Variants in CNTN1 observed in about 807,000 individuals in gnomAD.
The protein encoded by CNTN1 is contactin-1.
CNTN1 carries 38 observed loss-of-function variants against 126.4 expected under a neutral mutation model. That is an observed-to-expected ratio of 0.30 (90% CI 0.23 to 0.39). The LOEUF (loss-of-function observed/expected upper bound fraction) is 0.39. Among genes scored for constraint, CNTN1 ranks in the 10% least tolerant of loss-of-function variants. CNTN1 has a pLI of 1.00. For synonymous variants in CNTN1, 413 were observed against 422.6 expected (o/e 0.98, Z 0.28); for missense variants, 1,009 against 1,248.4 (o/e 0.81, Z 2.89).
chr12:41,065,267 G>A (rs1950024494), intron 23 of CNTN1, among the ~76,000 whole-genome samples: 1 of 152,156 alleles, frequency 6.6e-6, no homozygotes, highest in Non-Finnish European at 1.5e-5. Context: ...GTGTTAGCCA[G>A]GATGGTCTCG....
intron 1 of CNTN1, among the ~76,000 whole-genome samples, chr12:40,890,525 C>A (rs187508528): frequency 2.2e-4 from 34 of 152,144 alleles, no homozygotes; most frequent in Middle Eastern, 6.8e-3. Flanking sequence ...TCCTTGCTAA[C>A]CCCTAGGAAA....
At chr12:40,767,533 C>T (rs1389296640) in intron 1 of CNTN1, among the ~76,000 whole-genome samples, 3 of 152,070 alleles carry the variant, frequency 2.0e-5, no homozygotes, top group African/African-American at 2.4e-5. Context: ...TGATCTCGAT[C>T]TCCTGACCTC....
In CNTN1 at chr12:40,980,936, G is replaced by A. The variant is rs1947803739; in HGVS notation, c.1832G>A (p.Arg611Lys). ...RGPPGPPGGL[R>K]IEDIRATSVA... ...CCTCCAGGCCCTCCAGGTGGTCTGAGAATAGAAGACATTAGAGCCACTTCT... is the reference window on the plus strand; with the variant it reads ...CCTCCAGGCCCTCCAGGTGGTCTGAAAATAGAAGACATTAGAGCCACTTCT... The change falls in exon 16 of 24, where the codon AGA becomes AAA. Residue 611 changes from arginine to lysine, a missense_variant. Coordinates refer to ENST00000551295, the MANE Select transcript of CNTN1 (RefSeq NM_001843.4). 2 of 1,613,836 alleles carry A rather than the reference G, an allele frequency of 1.2e-6. No individual in the cohort carries two copies. Among genetic ancestry groups the A allele is most frequent in the African/African-American group, 1.3e-5 (1 of 74,912 alleles).
chr12:40,724,865 A>T (rs1446561458), intron 1 of CNTN1, among the ~76,000 whole-genome samples: 1 of 152,242 alleles, frequency 6.6e-6, no homozygotes, highest in East Asian at 1.9e-4. Context: ...AATGAAAAGC[A>T]CTATTGCTAC....
intron 18 of CNTN1, 71 bp downstream of exon 18, chr12:41,014,369 C>A: frequency 6.7e-7 from 1 of 1,497,676 alleles, no homozygotes; most frequent in South Asian, 1.1e-5. Context: ...ATTTTGTTTC[C>A]TGAAATAAAT....
chr12:40,812,783 A>G (rs1183582206), intron 1 of CNTN1, among the ~76,000 whole-genome samples: 1 of 152,060 alleles, frequency 6.6e-6, no homozygotes, highest in Non-Finnish European at 1.5e-5. Context: ...TTAAAGCTCT[A>G]GTGAGTCTCT....
In CNTN1 at chr12:40,984,079, T is replaced by C. The variant is rs182108660; in HGVS notation, c.1963+3012T>C. On this transcript the variant is annotated intron_variant, in intron 16 of 23. Transcript: ENST00000551295. ...AAAAGAGGAAGATGAAATAAAGCTA[T>C]CTAGGGGAAACACTTTTATACTCAG... Among the ~76,000 whole-genome samples the C allele has an allele frequency of 3.3e-5, 5 of 149,710 alleles. No homozygotes were observed. In the East Asian group the frequency reaches 7.8e-4, roughly 23 times the overall value.
chr12:40,884,541 A>C (rs17128887), intron 1 of CNTN1, among the ~76,000 whole-genome samples: 7,486 of 151,496 alleles, frequency 0.049, 411 homozygotes, highest in African/African-American at 0.14. Context: ...TTTCCTGAAA[A>C]TGTTGTCTTA....
chr12:40,930,957 T>C (rs919962820), intron 7 of CNTN1, among the ~76,000 whole-genome samples: 1 of 152,004 alleles, frequency 6.6e-6, no homozygotes, highest in African/African-American at 2.4e-5. Flanking sequence ...CTTGATTTTC[T>C]TTCTACTCTT....
intron 1 of CNTN1, among the ~76,000 whole-genome samples, chr12:40,719,834 G>A (rs1161933582): frequency 2.0e-5 from 3 of 151,820 alleles, no homozygotes; most frequent in African/African-American, 7.3e-5. Flanking sequence ...CATCAATGTG[G>A]CTTTCTGTTT....
intron 1 of CNTN1, among the ~76,000 whole-genome samples, chr12:40,782,642 T>C (rs1254090523): frequency 6.6e-6 from 1 of 151,836 alleles, no homozygotes; most frequent in African/African-American, 2.4e-5. Context: ...TTTAGGAAAA[T>C]TGGGTTACCC....
chr12:41,055,811 C>T (rs561066524), intron 23 of CNTN1, among the ~76,000 whole-genome samples: 16 of 152,132 alleles, frequency 1.1e-4, no homozygotes, highest in Non-Finnish European at 2.2e-4. Context: ...TGTCAATGTA[C>T]CTTTCTCAGC....
At chr12:40,764,593 T>A (rs1251088456) in intron 1 of CNTN1, among the ~76,000 whole-genome samples, 2 of 152,156 alleles carry the variant, frequency 1.3e-5, no homozygotes, top group Non-Finnish European at 2.9e-5. Context: ...AAGATTTACT[T>A]CTCAAAAGTG....
chr12:40,765,388 A>G (rs1039262590), intron 1 of CNTN1, among the ~76,000 whole-genome samples: 12 of 152,188 alleles, frequency 7.9e-5, no homozygotes, highest in African/African-American at 2.9e-4. Context: ...CAGTGAAAGG[A>G]TAGGAAGCTG....
chr12:40,962,657 A>T (rs990024818), intron 15 of CNTN1, among the ~76,000 whole-genome samples: 1 of 152,124 alleles, frequency 6.6e-6, no homozygotes, highest in African/African-American at 2.4e-5. Context: ...GAACTATTGT[A>T]ATTCTGTAAA....
intron 1 of CNTN1, among the ~76,000 whole-genome samples, chr12:40,706,569 A>G (rs920929968): frequency 3.3e-5 from 5 of 152,130 alleles, no homozygotes; most frequent in Non-Finnish European, 5.9e-5. Flanking sequence ...AATGCCTAGA[A>G]CACTGCCTCA....
At chr12:40,727,454 A>G (rs76948976) in intron 1 of CNTN1, among the ~76,000 whole-genome samples, 2 of 152,030 alleles carry the variant, frequency 1.3e-5, no homozygotes, top group Non-Finnish European at 2.9e-5. Flanking sequence ...AAAAAAAAAA[A>G]GAATGGTCCT....
At chr12:40,977,773 TTTG>T (rs1947718057) in intron 15 of CNTN1, among the ~76,000 whole-genome samples, 3 of 12,802 alleles carry the variant, frequency 2.3e-4, no homozygotes, top group African/African-American at 3.9e-4. Flanking sequence ...TCTGTTTTGT[TTTG>T]TTTTGTTTTG....
chr12:40,840,380 T>C (rs954961411), intron 1 of CNTN1, among the ~76,000 whole-genome samples: 11 of 151,854 alleles, frequency 7.2e-5, no homozygotes, highest in Non-Finnish European at 1.3e-4. Context: ...AGAGAGGCTA[T>C]AAAGAATAAT....
Sources: allele counts gnomAD v4.1 joint callset (sites outside exome capture counted in the v4.1 genomes callset), GRCh38; gene constraint gnomAD v4.1.1; transcripts MANE v1.5; gene names NCBI Gene and HGNC (gene_info 2026-07-23, HGNC 2026-07-21).